Variants in ENAH observed in about 807,000 individuals in gnomAD.
ENAH encodes protein enabled homolog.
A neutral mutation model predicts 78.7 loss-of-function variants in ENAH; 23 were observed. That is an observed-to-expected ratio of 0.29 (90% CI 0.21 to 0.41). ENAH has a LOEUF of 0.41. Ranked by LOEUF, ENAH falls within the 10% of genes least tolerant of loss-of-function variation. ENAH has a pLI of 1.00. For missense variants in ENAH, 544 were observed against 691.0 expected (o/e 0.79, Z 2.39); for synonymous variants, 226 against 241.0 (o/e 0.94, Z 0.58).
intron 1 of ENAH, among the ~76,000 whole-genome samples, chr1:225,627,515 G>A (rs1305436276): frequency 4.6e-5 from 7 of 152,226 alleles, no homozygotes; most frequent in African/African-American, 7.2e-5. Context: ...AGTGGCTCGA[G>A]GCCAGAATGG....
chr1:225,634,187 T>G (rs1192264204), intron 1 of ENAH, among the ~76,000 whole-genome samples: 1 of 152,198 alleles, frequency 6.6e-6, no homozygotes, highest in African/African-American at 2.4e-5. Context: ...ACTAGGCTAG[T>G]CTATTAAAGT....
chr1:225,497,938 T>C (rs1350423887), intron 13 of ENAH, 126 bp from the exon 14 acceptor site: 2 of 708,236 alleles, frequency 2.8e-6, no homozygotes, highest in African/African-American at 3.6e-5. Context: ...TAACTTTGCA[T>C]CTTTCATTGC....
chr1:225,499,625 T>C (rs1423758802), intron 12 of ENAH, among the ~76,000 whole-genome samples: 1 of 152,076 alleles, frequency 6.6e-6, no homozygotes, highest in Non-Finnish European at 1.5e-5. Context: ...CGACCTGAGA[T>C]TGCACTACTG....
chr1:225,525,550 C>A (rs867148013), intron 4 of ENAH, among the ~76,000 whole-genome samples: 1 of 152,150 alleles, frequency 6.6e-6, no homozygotes, highest in Non-Finnish European at 1.5e-5. Context: ...AGCCTTCAGC[C>A]CTCCCAGCGC....
At chr1:225,593,912 A>C (rs979544690) in intron 1 of ENAH, among the ~76,000 whole-genome samples, 34 of 152,372 alleles carry the variant, frequency 2.2e-4, no homozygotes, top group Non-Finnish European at 4.4e-4. Context: ...AGTTATTAAC[A>C]ATCAACAGTT....
At chr1:225,526,249 TGC>T (rs1369410360) in intron 4 of ENAH, among the ~76,000 whole-genome samples, 5 of 152,214 alleles carry the variant, frequency 3.3e-5, no homozygotes, top group Non-Finnish European at 7.3e-5. Flanking sequence ...CTTTCTCATA[TGC>T]CACCTCTTTG....
chr1:225,624,330 A>T (rs530679528), intron 1 of ENAH, among the ~76,000 whole-genome samples: 15 of 152,274 alleles, frequency 9.9e-5, no homozygotes, highest in Non-Finnish European at 1.2e-4. Flanking sequence ...GAAATATTTT[A>T]AAAATAAATA....
chr1:225,578,188 G>A (rs2096797258), intron 1 of ENAH, among the ~76,000 whole-genome samples: 1 of 152,172 alleles, frequency 6.6e-6, no homozygotes, highest in Non-Finnish European at 1.5e-5. Context: ...TAACAGGCTG[G>A]ATACAGTGGC....
At chr1:225,588,801 C>CAAAAAAAAAAAAAA (rs55962047) in intron 1 of ENAH, among the ~76,000 whole-genome samples, 1 of 78,430 alleles carries the variant, frequency 1.3e-5, no homozygotes. Flanking sequence ...AAGTCTGTGT[C>CAAAAAAAAAAAAAA]AAAAAAAAAA....
At chr1:225,545,859 G>A (rs1209979325) in intron 3 of ENAH, among the ~76,000 whole-genome samples, 1 of 147,360 alleles carries the variant, frequency 6.8e-6, no homozygotes, top group East Asian at 2.0e-4. Context: ...GAACCAGCAA[G>A]TACATAGTAA....
At chr1:225,526,914 T>C (rs577808013) in intron 4 of ENAH, among the ~76,000 whole-genome samples, 2 of 152,322 alleles carry the variant, frequency 1.3e-5, no homozygotes, top group South Asian at 2.1e-4. Context: ...TCTGTTCATA[T>C]TTATAAGCAG....
At chr1:225,526,626 C>A (rs2151227049) in intron 4 of ENAH, among the ~76,000 whole-genome samples, 1 of 151,834 alleles carries the variant, frequency 6.6e-6, no homozygotes, top group African/African-American at 2.4e-5. Flanking sequence ...AGCCACAGCA[C>A]ACGCCCTTCT....
chr1:225,645,335 G>A (rs1002977646), intron 1 of ENAH, among the ~76,000 whole-genome samples: 6 of 152,134 alleles, frequency 3.9e-5, no homozygotes, highest in African/African-American at 1.2e-4. Flanking sequence ...TTAGCATAAT[G>A]CTTCCATCTA....
At chr1:225,652,655 C>T (rs973348084) in intron 1 of ENAH, 31 bp downstream of exon 1, 12 of 1,267,134 alleles carry the variant, frequency 9.5e-6, no homozygotes, top group Non-Finnish European at 1.2e-5. Context: ...GCACAATGGC[C>T]CGCCCGGCCC....
chr1:225,627,030 T>C (rs1322211055), intron 1 of ENAH, among the ~76,000 whole-genome samples: 1 of 152,212 alleles, frequency 6.6e-6, no homozygotes, highest in Non-Finnish European at 1.5e-5. Context: ...TCTCAGTCAT[T>C]GGGAAGGAAA....
chr1:225,519,691 C>T, intron 4 of ENAH, 126 bp from the exon 5 acceptor site: 1 of 1,379,930 alleles, frequency 7.2e-7, no homozygotes, highest in South Asian at 1.4e-5. Flanking sequence ...GCAAACATCT[C>T]TCCTCCCACA....
chr1:225,589,388 AACTT>A (rs2147861377), intron 1 of ENAH, among the ~76,000 whole-genome samples: 1 of 152,346 alleles, frequency 6.6e-6, no homozygotes, highest in African/African-American at 2.4e-5. Flanking sequence ...TGCTGACTAC[AACTT>A]ACTTTTTATT....
chr1:225,653,036 C>T lies in ENAH; in HGVS notation c.-346G>A, dbSNP rs1663340818. 12 of 181,380 alleles carry T rather than the reference C, an allele frequency of 6.6e-5. No homozygotes were observed. The South Asian group carries it at 1.9e-3, about 28-fold the overall frequency. 11.2% of individuals were successfully genotyped at this position (181,380 alleles called of 1,614,324 possible). ...AGGGGTGCCCGCCGGGGCCGCGCGC[C>T]CGGCCGCCGCTCCACAGGCCCGCGC... On this transcript the variant is annotated 5_prime_UTR_variant, in exon 1 of 14. Transcript: ENST00000366843. This position sits in a 1 kb window ranked among gnomAD's most constrained non-coding sequence, Gnocchi z 4.3.
At position 225,519,216 on chromosome 1, in the gene ENAH, GCT is replaced by G. The variant is rs2096446313; in HGVS notation, c.782_783del (p.Glu261AlafsTer13). On this transcript the variant is annotated frameshift_variant, in exon 5 of 14. Coordinates refer to ENST00000366843, the MANE Select transcript of ENAH (RefSeq NM_018212.6). LOFTEE classifies it high-confidence loss of function. ...LEREQLEWERERRISSAAAPA... is the reference protein window; with the variant it reads ...LEREQLEWERXRRISSAAAPA... ...TTCTTACCAGCACTTGATATTCTGCGCTCTCTCTCCCATTCCAGCTGTTCCCT... is the reference window on the plus strand; with the variant it reads ...TTCTTACCAGCACTTGATATTCTGCGCTCTCTCCCATTCCAGCTGTTCCCT... 2 of 1,613,956 alleles carry G rather than the reference GCT, an allele frequency of 1.2e-6. No homozygotes were observed. Among genetic ancestry groups the G allele is most frequent in the African/African-American group, 1.3e-5 (1 of 74,906 alleles).
Sources: gnomAD v4.1 joint callset for allele counts (sites outside exome capture counted in the v4.1 genomes callset) on GRCh38, gnomAD v4.1.1 for gene constraint, Gnocchi (gnomAD v3.1) non-coding constraint, MANE v1.5 for transcripts, NCBI Gene and HGNC (gene_info 2026-07-23, HGNC 2026-07-21) for gene names.